Variants in EXT1 observed in about 807,000 individuals in gnomAD.
EXT1 encodes the protein exostosin-1.
A neutral mutation model predicts 82.5 loss-of-function variants in EXT1; 20 were observed. The observed-to-expected ratio is 0.24, with a 90% CI of 0.17 to 0.35. The LOEUF is 0.35. Among genes scored for constraint, EXT1 ranks in the 10% least tolerant of loss-of-function variants. EXT1 has a pLI of 1.00. For synonymous variants in EXT1, 348 were observed against 350.8 expected (o/e 0.99, Z 0.09); for missense variants, 757 against 936.5 (o/e 0.81, Z 2.50).
intron 1 of EXT1, among the ~76,000 whole-genome samples, chr8:117,940,873 G>A (rs529307575): frequency 9.9e-5 from 15 of 152,072 alleles, no homozygotes; most frequent in Non-Finnish European, 2.1e-4. Flanking sequence ...GATCTTGCAG[G>A]GGAAATGCCT....
chr8:117,869,166 T>C (rs1343768903), intron 1 of EXT1, among the ~76,000 whole-genome samples: 2 of 152,182 alleles, frequency 1.3e-5, no homozygotes, highest in African/African-American at 4.8e-5. Flanking sequence ...TCCTCCAGTT[T>C]GCTCTGTGAA....
At chr8:117,942,488 G>A (rs1243110197) in intron 1 of EXT1, among the ~76,000 whole-genome samples, 1 of 152,136 alleles carries the variant, frequency 6.6e-6, no homozygotes, top group Non-Finnish European at 1.5e-5. Context: ...GAGGTGGGCA[G>A]ATCACCTGAG....
chr8:117,987,770 A>G (rs1815351013), intron 1 of EXT1, among the ~76,000 whole-genome samples: 1 of 152,196 alleles, frequency 6.6e-6, no homozygotes, highest in African/African-American at 2.4e-5. Flanking sequence ...TAGGTGAAGG[A>G]TACGGCTGGG....
chr8:117,929,761 T>C (rs1563604306), intron 1 of EXT1, among the ~76,000 whole-genome samples: 1 of 152,202 alleles, frequency 6.6e-6, no homozygotes, highest in African/African-American at 2.4e-5. Context: ...TATCTATCCG[T>C]ATATGGGTAT....
chr8:118,059,657 C>G (rs1816852728), intron 1 of EXT1, among the ~76,000 whole-genome samples: 1 of 152,224 alleles, frequency 6.6e-6, no homozygotes, highest in Admixed American at 6.5e-5. Context: ...GCAGTTCTGA[C>G]CTGCCCAACC....
chr8:117,883,701 C>T (rs1031945585), intron 1 of EXT1, among the ~76,000 whole-genome samples: 1 of 152,170 alleles, frequency 6.6e-6, no homozygotes, highest in African/African-American at 2.4e-5. Flanking sequence ...ATCCTTGTAA[C>T]GAAGTGCACC....
intron 1 of EXT1, among the ~76,000 whole-genome samples, chr8:117,870,313 CA>C (rs1455529978): frequency 6.6e-6 from 1 of 152,196 alleles, no homozygotes; most frequent in Non-Finnish European, 1.5e-5. Context: ...CTGTGATTGC[CA>C]AGGTGTAGGT....
chr8:117,832,219 A>C (rs547545540), intron 3 of EXT1, among the ~76,000 whole-genome samples: 1 of 152,168 alleles, frequency 6.6e-6, no homozygotes, highest in African/African-American at 2.4e-5. Context: ...AGCCACAAGG[A>C]AACAGTCTAT....
intron 1 of EXT1, among the ~76,000 whole-genome samples, chr8:118,099,546 T>C (rs2130018461): frequency 6.6e-6 from 1 of 152,340 alleles, no homozygotes; most frequent in Non-Finnish European, 1.5e-5. Flanking sequence ...CAGTTCCAGC[T>C]GTTCAAAAGC....
At position 118,110,824 on chromosome 8, in the gene EXT1, C is replaced by T. The variant is rs867664035; in HGVS notation, c.223G>A (p.Asp75Asn). Residue 75 changes from aspartate (D) to asparagine (N), a missense_variant, in exon 1 of 11, where the codon GAT becomes AAT. By Grantham distance (23) the Asp-to-Asn change is conservative (BLOSUM62 1). This residue lies in a region of EXT1 where 175 missense variants were observed against 159.0 expected (regional missense o/e 1.10). Coordinates refer to ENST00000378204, the MANE Select transcript of EXT1 (RefSeq NM_000127.3). ...FVPWDQLENE[D>N]SSVHISPRQK... ...CGGGGGGAAATGTGCACGCTGGAAT[C>T]CTCGTTTTCCAATTGATCCCAAGGA... The T allele has an allele frequency of 6.2e-7, 1 of 1,612,710 alleles. No individual in the cohort carries two copies. Among genetic ancestry groups the T allele is most frequent in the Non-Finnish European group, 8.5e-7 (1 of 1,178,972 alleles).
At chr8:117,834,152 C>T (rs941391894) in intron 3 of EXT1, among the ~76,000 whole-genome samples, 8 of 152,298 alleles carry the variant, frequency 5.3e-5, no homozygotes, top group African/African-American at 1.9e-4. Context: ...AAACTGAGTG[C>T]CAGACAGAAG....
chr8:117,816,856 C>G (rs1189608873), intron 7 of EXT1, among the ~76,000 whole-genome samples: 1 of 152,208 alleles, frequency 6.6e-6, no homozygotes, highest in Non-Finnish European at 1.5e-5. Flanking sequence ...AGAAGCAGAG[C>G]TGGTCTCCTT....
intron 1 of EXT1, 152 bp downstream of exon 1, chr8:118,109,933 A>C: frequency 1.6e-6 from 2 of 1,250,004 alleles, no homozygotes; most frequent in African/African-American, 3.0e-5. Context: ...CTCTAGCTGC[A>C]CACCCGAACC....
intron 1 of EXT1, among the ~76,000 whole-genome samples, chr8:118,036,703 C>A (rs1816425222): frequency 6.6e-6 from 1 of 152,072 alleles, no homozygotes; most frequent in Non-Finnish European, 1.5e-5. Context: ...GCACTGGGTC[C>A]ATGATAGAGT....
intron 1 of EXT1, among the ~76,000 whole-genome samples, chr8:118,066,884 G>A (rs1214134595): frequency 6.6e-6 from 1 of 152,094 alleles, no homozygotes; most frequent in Non-Finnish European, 1.5e-5. Context: ...ATAAAGCTAA[G>A]CTTTCTGGAA....
rs77006470 is a variant in EXT1, at chr8:117,898,763, C to A, written c.963-61562G>T. The stretch of plus-strand genomic sequence containing the variant: ...CATAGATTCCAATTCTATTTGTTAT[C>A]TTGCAGCAATGTATTTATGGTAGAT... On this transcript the variant is annotated intron_variant, in intron 1 of 10. Coordinates refer to ENST00000378204, the MANE Select transcript of EXT1 (RefSeq NM_000127.3). Among the ~76,000 whole-genome samples, 541 of 151,928 alleles carry A rather than the reference C, an allele frequency of 3.6e-3. 4 individuals carry two copies. The highest frequency in any genetic ancestry group is 5.2e-3 in the Non-Finnish European group (357 of 68,010).
chr8:118,079,120 T>C (rs1277142335), intron 1 of EXT1, among the ~76,000 whole-genome samples: 7 of 152,156 alleles, frequency 4.6e-5, no homozygotes, highest in African/African-American at 1.7e-4. Context: ...TACTGACGAA[T>C]CAGGAAAATA....
At chr8:118,017,126 C>T (rs746344687) in intron 1 of EXT1, among the ~76,000 whole-genome samples, 11 of 152,128 alleles carry the variant, frequency 7.2e-5, no homozygotes, top group African/African-American at 1.4e-4. Flanking sequence ...TCATCTTGAA[C>T]GGAAAATACT....
chr8:117,941,725 A>G (rs1346167178), intron 1 of EXT1, among the ~76,000 whole-genome samples: 2 of 152,216 alleles, frequency 1.3e-5, no homozygotes, highest in Non-Finnish European at 2.9e-5. Context: ...TCCTTCTAAA[A>G]GTTTCAAACA....
Sources: gnomAD v4.1 joint callset for allele counts (sites outside exome capture counted in the v4.1 genomes callset) on GRCh38, gnomAD v4.1.1 for gene constraint, gnomAD v4.1.1 regional missense constraint, MANE v1.5 for transcripts, NCBI Gene and HGNC (gene_info 2026-07-23, HGNC 2026-07-21) for gene names.